The following SYN3 variants were observed in gnomAD, a reference collection of about 807,000 sequenced individuals.
SYN3 encodes the protein synapsin-3.
Under a neutral mutation model 65.8 loss-of-function variants are expected in SYN3, and 35 were observed. That is an observed-to-expected ratio of 0.53 (90% CI 0.41 to 0.70). SYN3 has a LOEUF of 0.70. Among genes scored for constraint, SYN3 ranks in the 30% least tolerant of loss-of-function variants. SYN3 has a pLI of 0.00. For missense variants in SYN3, 680 were observed against 749.0 expected (o/e 0.91, Z 1.08); for synonymous variants, 270 against 292.9 (o/e 0.92, Z 0.80).
chr22:32,647,451 C>CTTT (rs58987529), intron 6 of SYN3, among the ~76,000 whole-genome samples: 12,322 of 144,754 alleles, frequency 0.085, 622 homozygotes, highest in South Asian at 0.23. Context: ...TTTTCTTTTT[C>CTTT]TTTTTTTTTT....
chr22:32,614,720 AAGG>A (rs1259953059), intron 6 of SYN3, among the ~76,000 whole-genome samples: 1 of 152,218 alleles, frequency 6.6e-6, no homozygotes, highest in Non-Finnish European at 1.5e-5. Flanking sequence ...TGATATACAA[AAGG>A]CCGAAGGCAT....
chr22:32,682,730 C>T (rs772052222), intron 6 of SYN3, among the ~76,000 whole-genome samples: 6 of 144,100 alleles, frequency 4.2e-5, no homozygotes, highest in South Asian at 2.4e-4. Flanking sequence ...CAGCGTTTGA[C>T]GAATCAGTAT....
At chr22:32,597,561 ACTTCCCTTAAG>A (rs1221681280) in intron 6 of SYN3, among the ~76,000 whole-genome samples, 1 of 151,952 alleles carries the variant, frequency 6.6e-6, no homozygotes, top group Non-Finnish European at 1.5e-5. Context: ...AACTTTCACT[ACTTCCCTTAAG>A]CCTCCCCAGG....
intron 4 of SYN3, among the ~76,000 whole-genome samples, chr22:32,923,870 G>C (rs1201046636): frequency 6.6e-6 from 1 of 152,068 alleles, no homozygotes; most frequent in Non-Finnish European, 1.5e-5. Context: ...GTAGGCCTCA[G>C]TATCTGTTGT....
At chr22:32,630,189 G>A (rs770471046) in intron 6 of SYN3, among the ~76,000 whole-genome samples, 2 of 151,912 alleles carry the variant, frequency 1.3e-5, no homozygotes, top group Non-Finnish European at 2.9e-5. Context: ...TCACCATGTT[G>A]GCCAAGATGA....
chr22:32,908,816 G>T (rs1465620355), intron 4 of SYN3, among the ~76,000 whole-genome samples: 1 of 152,146 alleles, frequency 6.6e-6, no homozygotes, highest in Non-Finnish European at 1.5e-5. Flanking sequence ...TTTAGATGGA[G>T]ACCATTGAGA....
chr22:32,988,328 T>C (rs1038850903), intron 2 of SYN3, among the ~76,000 whole-genome samples: 36 of 136,658 alleles, frequency 2.6e-4, no homozygotes, highest in South Asian at 1.3e-3. Context: ...ATAATAATAA[T>C]AATAATAATA....
At chr22:32,601,619 T>C (rs569675074) in intron 6 of SYN3, among the ~76,000 whole-genome samples, 1 of 151,052 alleles carries the variant, frequency 6.6e-6, no homozygotes, top group Non-Finnish European at 1.5e-5. Context: ...AACAGCAATC[T>C]TTTTAGAACC....
chr22:32,643,177 C>G (rs1226431175), intron 6 of SYN3, among the ~76,000 whole-genome samples: 2 of 152,086 alleles, frequency 1.3e-5, no homozygotes, highest in Non-Finnish European at 2.9e-5. Flanking sequence ...CTCCCAGATT[C>G]AGCAATTCTC....
chr22:33,052,740 G>T (rs954948257), intron 1 of SYN3, among the ~76,000 whole-genome samples: 2 of 152,208 alleles, frequency 1.3e-5, no homozygotes, highest in Non-Finnish European at 1.5e-5. Context: ...GGTCAGCACC[G>T]TCATTGGCTA....
intron 6 of SYN3, among the ~76,000 whole-genome samples, chr22:32,687,303 C>T (rs1424375536): frequency 6.6e-6 from 1 of 152,072 alleles, no homozygotes; most frequent in Non-Finnish European, 1.5e-5. Flanking sequence ...GCTGGGATTA[C>T]AAGCGCTCAC....
chr22:32,860,735 G>A (rs1028818584), intron 6 of SYN3: 4 of 152,084 alleles, frequency 2.6e-5, no homozygotes, highest in African/African-American at 7.2e-5. Flanking sequence ...GAGCTGCAGA[G>A]TGTCCTGCCT....
At chr22:32,628,018 C>T (rs1001220350) in intron 6 of SYN3, among the ~76,000 whole-genome samples, 5 of 151,994 alleles carry the variant, frequency 3.3e-5, no homozygotes, top group South Asian at 2.1e-4. Flanking sequence ...TTAGTAGAGA[C>T]GGGGTTTCAC....
chr22:32,800,768 T>C (rs1420783313), intron 6 of SYN3, among the ~76,000 whole-genome samples: 1 of 152,180 alleles, frequency 6.6e-6, no homozygotes, highest in Non-Finnish European at 1.5e-5. Context: ...CTTTCAAACA[T>C]GCCCAGGGTC....
At chr22:32,602,091 A>G (rs1335960323) in intron 6 of SYN3, among the ~76,000 whole-genome samples, 1 of 152,180 alleles carries the variant, frequency 6.6e-6, no homozygotes. Flanking sequence ...TTATATGTCC[A>G]ATAAAACCCC....
intron 3 of SYN3, among the ~76,000 whole-genome samples, chr22:32,962,924 GATA>G (rs1283370237): frequency 2.0e-5 from 3 of 149,716 alleles, no homozygotes; most frequent in Non-Finnish European, 4.4e-5. Context: ...TATCAATATA[GATA>G]ATAATGACTC....
chr22:32,676,659 C>CCCGAGTA (rs1384007426), intron 6 of SYN3, among the ~76,000 whole-genome samples: 6 of 150,484 alleles, frequency 4.0e-5, no homozygotes, highest in Non-Finnish European at 5.9e-5. Flanking sequence ...GCCTTAGCCC[C>CCCGAGTA]CCGAGTAGCT....
At chr22:32,657,795 A>G (rs1750829598) in intron 6 of SYN3, among the ~76,000 whole-genome samples, 1 of 152,162 alleles carries the variant, frequency 6.6e-6, no homozygotes, top group African/African-American at 2.4e-5. Flanking sequence ...AGGCACAACC[A>G]AAGTGCAGAC....
intron 6 of SYN3, among the ~76,000 whole-genome samples, chr22:32,840,904 C>A (rs1190126515): frequency 1.3e-5 from 2 of 152,146 alleles, no homozygotes; most frequent in African/African-American, 2.4e-5. Flanking sequence ...TTCCTAGGAG[C>A]CTTATGTATC....
Sources: allele counts gnomAD v4.1 joint callset (sites outside exome capture counted in the v4.1 genomes callset), GRCh38; gene constraint gnomAD v4.1.1; transcripts MANE v1.5; gene names NCBI Gene and HGNC (gene_info 2026-07-23, HGNC 2026-07-21).